Variants in GABRG3 observed in about 807,000 individuals in gnomAD.
GABRG3 encodes the protein gamma-aminobutyric acid receptor subunit gamma-3.
A neutral mutation model predicts 48.8 loss-of-function variants in GABRG3; 25 were observed. The ratio of observed to expected loss-of-function variants is 0.51; its 90% CI spans 0.37 to 0.72. The LOEUF is 0.72. GABRG3 is among the 30% of genes least tolerant of loss of function. The pLI, the probability that GABRG3 is intolerant of heterozygous loss-of-function variation, is 0.00. For synonymous variants in GABRG3, 227 were observed against 217.6 expected, an observed-to-expected ratio of 1.04 and a Z score of -0.38; for missense variants, 394 against 577.9, an observed-to-expected ratio of 0.68 and a Z score of 3.26.
At chr15:27,228,562 T>G (rs1665571552) in intron 3 of GABRG3, among the ~76,000 whole-genome samples, 1 of 152,200 alleles carries the variant, frequency 6.6e-6, no homozygotes, top group Non-Finnish European at 1.5e-5. Flanking sequence ...ATGATTTATA[T>G]TCCTCTGGGT....
chr15:27,101,842 TAAA>T (rs55887752), intron 3 of GABRG3, among the ~76,000 whole-genome samples: 15 of 72,510 alleles, frequency 2.1e-4, no homozygotes, highest in African/African-American at 4.3e-4. Context: ...GCTGATGAGC[TAAA>T]AAAAAAAAAA....
intron 3 of GABRG3, among the ~76,000 whole-genome samples, chr15:27,288,290 A>T (rs987779418): frequency 6.6e-6 from 1 of 152,124 alleles, no homozygotes; most frequent in Non-Finnish European, 1.5e-5. Context: ...CAAGCACATT[A>T]CATTCATTGT....
chr15:27,513,683 A>G (rs556472503), intron 6 of GABRG3, among the ~76,000 whole-genome samples: 1 of 150,444 alleles, frequency 6.6e-6, no homozygotes, highest in South Asian at 2.1e-4. Flanking sequence ...AACTGTTTAA[A>G]GGCTGTATTG....
chr15:27,089,364 G>T (rs1219966404), intron 3 of GABRG3, among the ~76,000 whole-genome samples: 1 of 152,088 alleles, frequency 6.6e-6, no homozygotes, highest in East Asian at 1.9e-4. Flanking sequence ...TTGGGAGGAG[G>T]GTGCAGGCTG....
chr15:27,168,524 G>A (rs926633788), intron 3 of GABRG3, among the ~76,000 whole-genome samples: 1 of 152,120 alleles, frequency 6.6e-6, no homozygotes, highest in African/African-American at 2.4e-5. Flanking sequence ...ACACCATAAA[G>A]CCTGTCAACA....
At chr15:27,308,600 A>G (rs951096069) in intron 3 of GABRG3, among the ~76,000 whole-genome samples, 9 of 140,730 alleles carry the variant, frequency 6.4e-5, no homozygotes, top group Middle Eastern at 0.011. Context: ...ATATATAAAC[A>G]TAATGTAAAC....
intron 3 of GABRG3, among the ~76,000 whole-genome samples, chr15:27,280,099 T>C (rs1185978101): frequency 6.6e-6 from 1 of 152,238 alleles, no homozygotes; most frequent in South Asian, 2.1e-4. Context: ...TTCATTTTTT[T>C]CCCCTACTGA....
chr15:27,251,520 G>A (rs1331919614), intron 3 of GABRG3, among the ~76,000 whole-genome samples: 1 of 152,158 alleles, frequency 6.6e-6, no homozygotes, highest in Non-Finnish European at 1.5e-5. Flanking sequence ...TATTTACAAA[G>A]TGTATTCTTC....
chr15:27,116,870 G>A (rs2140373803), intron 3 of GABRG3, among the ~76,000 whole-genome samples: 1 of 152,310 alleles, frequency 6.6e-6, no homozygotes, highest in African/African-American at 2.4e-5. Flanking sequence ...CATCTTGGAA[G>A]CAGAGAGCTG....
intron 3 of GABRG3, among the ~76,000 whole-genome samples, chr15:27,070,351 A>C (rs1025625117): frequency 2.0e-5 from 3 of 152,212 alleles, no homozygotes; most frequent in African/African-American, 7.2e-5. Flanking sequence ...CCATATGCCA[A>C]GTTGAAAATG....
chr15:27,484,594 T>A (rs1177080562), intron 6 of GABRG3, among the ~76,000 whole-genome samples: 2 of 152,172 alleles, frequency 1.3e-5, no homozygotes, highest in Non-Finnish European at 2.9e-5. Context: ...GCCCAGATCT[T>A]GGTTTCTAAT....
intron 6 of GABRG3, among the ~76,000 whole-genome samples, chr15:27,511,821 C>A (rs778197454): frequency 5.8e-4 from 89 of 152,176 alleles, no homozygotes; most frequent in Non-Finnish European, 1.1e-3. Flanking sequence ...TCTCCAATGG[C>A]AAACCGTTCT....
At chr15:27,023,214 C>T (rs1293220790) in intron 2 of GABRG3, among the ~76,000 whole-genome samples, 1 of 152,178 alleles carries the variant, frequency 6.6e-6, no homozygotes, top group African/African-American at 2.4e-5. Context: ...TTCTTTCACT[C>T]AGAAAATTGC....
rs1284138480 is a variant in GABRG3, at chr15:27,352,090, G to A, written c.574+23202G>A. Among the ~76,000 whole-genome samples the A allele has an allele frequency of 6.7e-6, 1 of 150,148 alleles. No homozygotes were observed. The highest frequency in any genetic ancestry group is 2.5e-5 in the African/African-American group (1 of 40,714). On this transcript the variant is annotated intron_variant, in intron 5 of 9. Transcript: ENST00000615808. This position sits in a 1 kb window ranked among gnomAD's most constrained non-coding sequence, Gnocchi z 4.0. ...GTGTGTGTGTGTATGGTGCATGTGT[G>A]TGTATGATGTGTGTATGTATGGTGT...
rs1887855991 is a variant in GABRG3, at chr15:27,179,505, G to C, written c.271-147304G>C. On this transcript the variant is annotated intron_variant, in intron 3 of 9. Coordinates refer to ENST00000615808, the MANE Select transcript of GABRG3 (RefSeq NM_033223.5). The surrounding 1 kb of genome is among the most constrained non-coding windows in gnomAD (Gnocchi z 4.0). ...TTTCGCTGGCTTTATGCTTGGTCTG[G>C]CTCTGAGAAATTTATCATTTTCCCC... Among the ~76,000 whole-genome samples, 1 of 152,070 alleles carries C rather than the reference G, an allele frequency of 6.6e-6. No homozygotes were observed. Among genetic ancestry groups the C allele is most frequent in the Non-Finnish European group, 1.5e-5 (1 of 68,022 alleles).
intron 6 of GABRG3, among the ~76,000 whole-genome samples, chr15:27,512,682 A>C (rs2150858951): frequency 6.6e-6 from 1 of 152,360 alleles, no homozygotes; most frequent in South Asian, 2.1e-4. Context: ...AGCCACTGGC[A>C]CACTCACATA....
chr15:27,323,008 G>C (rs949046250), intron 3 of GABRG3, among the ~76,000 whole-genome samples: 1 of 152,104 alleles, frequency 6.6e-6, no homozygotes, highest in Non-Finnish European at 1.5e-5. Context: ...CCAGCTCTGT[G>C]TTCTCCCGAT....
chr15:27,278,076 T>C (rs1052641302), intron 3 of GABRG3, among the ~76,000 whole-genome samples: 44 of 151,688 alleles, frequency 2.9e-4, no homozygotes, highest in African/African-American at 9.9e-4. Flanking sequence ...TTTTGAAACG[T>C]AGTCTCACTG....
In GABRG3 at chr15:27,221,791, A is replaced by G. The variant is rs189215793; in HGVS notation, c.271-105018A>G. On this transcript the variant is annotated intron_variant, in intron 3 of 9. Coordinates refer to ENST00000615808, the MANE Select transcript of GABRG3 (RefSeq NM_033223.5). ...CATTTCTTTCCTGTGTTTCTCAAGAACTCAAAATTTAAGGTCAACAAAATG... is the reference window on the plus strand; with the variant it reads ...CATTTCTTTCCTGTGTTTCTCAAGAGCTCAAAATTTAAGGTCAACAAAATG... 1.8e-3 allele frequency among the ~76,000 whole-genome samples: 274 copies of G among 152,280 alleles called. 2 individuals are homozygous for G. The highest frequency in any genetic ancestry group is 6.2e-3 in the African/African-American group (258 of 41,566).
Sources: allele counts gnomAD v4.1 joint callset (sites outside exome capture counted in the v4.1 genomes callset), GRCh38; gene constraint gnomAD v4.1.1; non-coding constraint Gnocchi (gnomAD v3.1); transcripts MANE v1.5; gene names NCBI Gene and HGNC (gene_info 2026-07-23, HGNC 2026-07-21).